The following TSHZ3 variants were observed in gnomAD, a reference collection of about 807,000 sequenced individuals.
The protein encoded by TSHZ3 is teashirt zinc finger homeobox 3.
TSHZ3 carries 10 observed loss-of-function variants against 64.5 expected under a neutral mutation model. That is an observed-to-expected ratio of 0.16 (90% CI 0.10 to 0.26). The LOEUF (loss-of-function observed/expected upper bound fraction) is 0.26. TSHZ3 is among the 10% of genes least tolerant of loss of function. The pLI is 1.00. For missense variants in TSHZ3, 1,242 were observed against 1,421.7 expected (o/e 0.87, Z 2.03); for synonymous variants, 608 against 593.1 (o/e 1.03, Z -0.36).
At chr19:31,268,226 A>G (rs1976082761) in intron 1 of TSHZ3, among the ~76,000 whole-genome samples, 1 of 151,608 alleles carries the variant, frequency 6.6e-6, no homozygotes, top group South Asian at 2.1e-4. Context: ...AGTCCATTAA[A>G]CCTCTTTCCT....
Position 31,277,320 on chromosome 19 carries a change from C to T in TSHZ3, c.2473G>A (p.Ala825Thr), listed in dbSNP as rs1267772626. The change falls in exon 2 of 2, where the codon GCA becomes ACA. Residue 825 changes from alanine (A) to threonine (T), a missense_variant. Coordinates refer to ENST00000240587, the MANE Select transcript of TSHZ3 (RefSeq NM_020856.4). This position sits in a 1 kb window ranked among gnomAD's most constrained non-coding sequence, Gnocchi z 4.5. ...PATSSSTVTTAKTSAVVSFMS... is the reference protein window; with the variant it reads ...PATSSSTVTTTKTSAVVSFMS... ...AATGATACGACGGCAGATGTCTTTG[C>T]CGTTGTCACCGTGGATGAGGAGGTT... 1.2e-5 allele frequency: 19 copies of T among 1,613,048 alleles called. No individual in the cohort carries two copies. The highest frequency in any genetic ancestry group is 2.2e-5 in the South Asian group (2 of 91,074).
chr19:31,237,170 A>G (rs1181263253), intron 3 of TSHZ3, among the ~76,000 whole-genome samples: 1 of 152,060 alleles, frequency 6.6e-6, no homozygotes, highest in Non-Finnish European at 1.5e-5. Context: ...CAAACAAAAA[A>G]CAATCAACAG....
intron 1 of TSHZ3, among the ~76,000 whole-genome samples, chr19:31,323,365 C>T (rs2145170289): frequency 6.6e-6 from 1 of 152,276 alleles, no homozygotes; most frequent in Admixed American, 6.5e-5. Flanking sequence ...AATCAGAAAG[C>T]AAATGCTATG....
At chr19:31,180,331 C>A (rs1398566607) in intron 5 of TSHZ3, among the ~76,000 whole-genome samples, 3 of 152,176 alleles carry the variant, frequency 2.0e-5, no homozygotes. Flanking sequence ...TTCTACAGAG[C>A]CTGGCCCACC....
At chr19:31,170,871 A>C (rs937092733) in intron 5 of TSHZ3, among the ~76,000 whole-genome samples, 1 of 152,222 alleles carries the variant, frequency 6.6e-6, no homozygotes, top group Non-Finnish European at 1.5e-5. Context: ...AGAATATACA[A>C]ACAAACTTTC....
At chr19:31,258,986 C>T (rs773294833) in intron 1 of TSHZ3, among the ~76,000 whole-genome samples, 4 of 152,334 alleles carry the variant, frequency 2.6e-5, no homozygotes, top group South Asian at 2.1e-4. Context: ...CCCAGCCCCA[C>T]GGTCTTGCTT....
chr19:31,336,819 C>A (rs1176534127), intron 1 of TSHZ3, among the ~76,000 whole-genome samples: 1 of 152,164 alleles, frequency 6.6e-6, no homozygotes, highest in Admixed American at 6.5e-5. Context: ...TCAAGCCCTT[C>A]AAGCAAACAA....
chr19:31,350,347 C>G (rs2021681784), upstream of TSHZ3, among the ~76,000 whole-genome samples: 1 of 151,732 alleles, frequency 6.6e-6, no homozygotes. Context: ...TCCCGGGGGT[C>G]GGTGTGGGAG....
At chr19:31,341,161 G>A (rs1018745546) in intron 1 of TSHZ3, among the ~76,000 whole-genome samples, 1 of 151,576 alleles carries the variant, frequency 6.6e-6, no homozygotes, top group African/African-American at 2.4e-5. Flanking sequence ...CGGGTGTCCA[G>A]CAGATCCACA....
intron 5 of TSHZ3, among the ~76,000 whole-genome samples, chr19:31,169,120 A>G (rs1471724064): frequency 1.3e-5 from 2 of 152,090 alleles, no homozygotes; most frequent in Non-Finnish European, 2.9e-5. Flanking sequence ...ACATTGAAAA[A>G]AAAAAGAGAG....
chr19:31,249,977 T>C (rs1180735537), intron 1 of TSHZ3, among the ~76,000 whole-genome samples: 1 of 152,222 alleles, frequency 6.6e-6, no homozygotes, highest in African/African-American at 2.4e-5. Context: ...GGAGCCTCGG[T>C]TCTCCTGGAC....
intron 1 of TSHZ3, among the ~76,000 whole-genome samples, chr19:31,348,468 G>GAAA (rs769813617): frequency 1.2e-5 from 1 of 82,462 alleles, no homozygotes; most frequent in African/African-American, 4.5e-5. Flanking sequence ...TAAAGAAGAA[G>GAAA]AAAAAAAAAA....
Position 31,289,595 on chromosome 19 carries a change from G to T in TSHZ3, c.41-9843C>A, listed in dbSNP as rs540562113. 3.3e-5 allele frequency among the ~76,000 whole-genome samples: 5 copies of T among 152,256 alleles called. No homozygotes were observed. The South Asian group carries it at 1.0e-3, about 32-fold the overall frequency. On this transcript the variant is annotated intron_variant, in intron 1 of 1. Coordinates refer to ENST00000240587, the MANE Select transcript of TSHZ3 (RefSeq NM_020856.4). ...CGGGCAGGACCATGGATTCAGTCCC[G>T]CTCCATCCCACTGCATGGATCTGAC...
chr19:31,159,177 T>A (rs1007127077), intron 5 of TSHZ3, among the ~76,000 whole-genome samples: 1 of 152,116 alleles, frequency 6.6e-6, no homozygotes, highest in Non-Finnish European at 1.5e-5. Flanking sequence ...TTTTTGTATT[T>A]CTTGTGGAGA....
chr19:31,171,686 T>C (rs1974536798), intron 5 of TSHZ3, among the ~76,000 whole-genome samples: 1 of 152,114 alleles, frequency 6.6e-6, no homozygotes, highest in African/African-American at 2.4e-5. Context: ...TAATGGCCTA[T>C]AAAAGGTATT....
At position 31,222,796 on chromosome 19, in the gene TSHZ3, T is replaced by C. The variant is rs1410358189; in HGVS notation, n.686+5209A>G. Among the ~76,000 whole-genome samples the C allele has an allele frequency of 6.2e-4, 94 of 152,334 alleles. 2 individuals are homozygous for C. In the East Asian group the frequency reaches 0.017, roughly 28 times the overall value. Reference sequence around the variant, plus strand: ...TTTGCCCTGGGAATCTCGTCTCTTGTCCTTCTCCATTTCTATTTTGCCATA... The same window carrying C: ...TTTGCCCTGGGAATCTCGTCTCTTGCCCTTCTCCATTTCTATTTTGCCATA... On this transcript the variant is annotated intron_variant and non_coding_transcript_variant, in intron 4 of 6. Transcript: ENST00000651361.
downstream of TSHZ3, among the ~76,000 whole-genome samples, chr19:31,272,443 T>C (rs1040095528): frequency 1.3e-5 from 2 of 152,150 alleles, no homozygotes; most frequent in African/African-American, 2.4e-5. Context: ...GTTTGGTGGT[T>C]ATCAATATAT....
intron 5 of TSHZ3, chr19:31,195,559 T>C (rs1423828446): frequency 7.0e-5 from 1 of 14,210 alleles, no homozygotes; most frequent in East Asian, 1.1e-3. Context: ...GGGATTCTTT[T>C]ATTTATTTAT....
At chr19:31,178,846 CCTGAG>C (rs757567361) in intron 5 of TSHZ3, among the ~76,000 whole-genome samples, 212 of 152,254 alleles carry the variant, frequency 1.4e-3, no homozygotes, top group Non-Finnish European at 2.2e-3. Context: ...GAAGATAATG[CCTGAG>C]CTGAGTCCTG....
Sources: gnomAD v4.1 joint callset for allele counts (sites outside exome capture counted in the v4.1 genomes callset) on GRCh38, gnomAD v4.1.1 for gene constraint, Gnocchi (gnomAD v3.1) non-coding constraint, MANE v1.5 for transcripts, NCBI Gene and HGNC (gene_info 2026-07-23, HGNC 2026-07-21) for gene names.